Variants in PIEZO2 observed in about 807,000 individuals in gnomAD.
PIEZO2 encodes the protein piezo-type mechanosensitive ion channel component 2.
A neutral mutation model predicts 337.3 loss-of-function variants in PIEZO2; 172 were observed. The observed-to-expected ratio is 0.51, with a 90% CI of 0.45 to 0.58. The LOEUF (loss-of-function observed/expected upper bound fraction) is 0.58, where lower values mean the gene tolerates loss of function less well. Ranked by LOEUF, PIEZO2 falls within the 20% of genes least tolerant of loss-of-function variation. PIEZO2 has a pLI of 0.00. For missense variants in PIEZO2, 3,028 were observed against 3,391.3 expected (o/e 0.89, Z 2.66); for synonymous variants, 1,251 against 1,228.5 (o/e 1.02, Z -0.38).
Position 11,003,090 on chromosome 18 carries a change from T to C in PIEZO2, c.161-23430A>G, listed in dbSNP as rs1017820488. Among the ~76,000 whole-genome samples the C allele has an allele frequency of 2.0e-5, 3 of 152,188 alleles. No individual in the cohort carries two copies. The highest frequency in any genetic ancestry group is 4.4e-5 in the Non-Finnish European group (3 of 68,026). On this transcript the variant is annotated intron_variant, in intron 2 of 55. Coordinates refer to ENST00000674853, the MANE Select transcript of PIEZO2 (RefSeq NM_001378183.1). This position sits in a 1 kb window ranked among gnomAD's most constrained non-coding sequence, Gnocchi z 4.6. ...CTAACCTGGGAGATGTCCAGTGACA[T>C]GTCTTTGCCGTGCCCTCCCAGGTCT...
chr18:10,912,432 T>C lies in PIEZO2; in HGVS notation c.287-1204A>G, dbSNP rs564745847. ...CACCTAGCCCTAAATTCATAAATTG[T>C]GTTGTGCACTAGGTGCTTGATAATC... On this transcript the variant is annotated intron_variant, in intron 3 of 55. Coordinates refer to ENST00000674853, the MANE Select transcript of PIEZO2 (RefSeq NM_001378183.1). Among the ~76,000 whole-genome samples the C allele has an allele frequency of 3.1e-4, 47 of 152,288 alleles. No individual in the cohort carries two copies. The South Asian group carries it at 6.8e-3, about 22-fold the overall frequency.
intron 2 of PIEZO2, among the ~76,000 whole-genome samples, chr18:11,018,036 A>C: frequency 6.6e-6 from 1 of 152,158 alleles, no homozygotes; most frequent in East Asian, 1.9e-4. Flanking sequence ...CTGGTGGCTA[A>C]AAGTCTGCAA....
At chr18:10,764,498 G>A (rs1421170611) in intron 21 of PIEZO2, among the ~76,000 whole-genome samples, 5 of 151,990 alleles carry the variant, frequency 3.3e-5, no homozygotes, top group Non-Finnish European at 7.4e-5. Context: ...AAAATTAGCC[G>A]GGCGTGGTGG....
In PIEZO2 at chr18:11,047,719, C is replaced by A. The variant is rs2037368775; in HGVS notation, c.160+18408G>T. Among the ~76,000 whole-genome samples the A allele has an allele frequency of 6.6e-6, 1 of 152,022 alleles. No individual in the cohort carries two copies. The highest frequency in any genetic ancestry group is 2.4e-5 in the African/African-American group (1 of 41,306). ...CAGCCACCACACTGGGAGTTAGGGC[C>A]TTTCTCCACAACAACTAAGAGTATG... is the stretch of plus-strand genomic sequence containing the variant. On this transcript the variant is annotated intron_variant, in intron 2 of 55. Transcript: ENST00000674853. This position sits in a 1 kb window ranked among gnomAD's most constrained non-coding sequence, Gnocchi z 7.2.
chr18:11,084,154 G>A (rs972746699), intron 1 of PIEZO2, among the ~76,000 whole-genome samples: 1 of 127,028 alleles, frequency 7.9e-6, no homozygotes. Flanking sequence ...TCCAGCCTGG[G>A]CAAAAGAGTG....
At chr18:10,691,190 C>T in intron 48 of PIEZO2, 35 bp downstream of exon 48, 1 of 1,601,676 alleles carries the variant, frequency 6.2e-7, no homozygotes, top group South Asian at 1.1e-5. Context: ...CTATTCTTCC[C>T]CCATAAGTGA....
At chr18:10,925,455 G>A (rs760018408) in intron 3 of PIEZO2, among the ~76,000 whole-genome samples, 10 of 152,132 alleles carry the variant, frequency 6.6e-5, no homozygotes, top group East Asian at 1.9e-4. Flanking sequence ...CAGTAAACAC[G>A]GATCTTGTGG....
At chr18:10,935,785 T>C (rs962116794) in intron 3 of PIEZO2, among the ~76,000 whole-genome samples, 3 of 152,172 alleles carry the variant, frequency 2.0e-5, no homozygotes, top group Non-Finnish European at 2.9e-5. Context: ...ATCTGCAGCA[T>C]GACCACGGCC....
chr18:11,019,629 G>A (rs2036241324), intron 2 of PIEZO2, among the ~76,000 whole-genome samples: 1 of 152,020 alleles, frequency 6.6e-6, no homozygotes, highest in Non-Finnish European at 1.5e-5. Context: ...CCCACTCTGG[G>A]CCCCCTTGTT....
chr18:11,031,710 G>T lies in PIEZO2; in HGVS notation c.160+34417C>A, dbSNP rs1371822973. On this transcript the variant is annotated intron_variant, in intron 2 of 55. Transcript: ENST00000674853. The surrounding 1 kb of genome is among the most constrained non-coding windows in gnomAD (Gnocchi z 4.7). ...TCCAGAGGAGCCAGATATAACCCTT[G>T]GTTGCTCTTGGTACGACTTACCCTT... Among the ~76,000 whole-genome samples the T allele has an allele frequency of 6.6e-6, 1 of 152,072 alleles. No individual in the cohort carries two copies. The highest frequency in any genetic ancestry group is 6.5e-5 in the Admixed American group (1 of 15,268).
intron 4 of PIEZO2, among the ~76,000 whole-genome samples, chr18:10,881,410 TAA>T (rs1263693375): frequency 6.6e-6 from 1 of 152,200 alleles, no homozygotes; most frequent in African/African-American, 2.4e-5. Context: ...GCAGGTCTGT[TAA>T]AAGAGTCCTA....
At position 10,724,179 on chromosome 18, in the gene PIEZO2, C is replaced by T. The variant is rs149902875; in HGVS notation, c.5030-5920G>A. Among the ~76,000 whole-genome samples the T allele has an allele frequency of 1.9e-3, 296 of 152,248 alleles. 1 individual carries two copies. Among genetic ancestry groups the T allele is most frequent in the Non-Finnish European group, 3.3e-3 (224 of 68,012 alleles). Reference sequence around the variant, plus strand: ...CAGGCTTAGAGGATTCCAGTAACCACCATCTAGGTGGGTGTTTAAAACTCT... The same window carrying T: ...CAGGCTTAGAGGATTCCAGTAACCATCATCTAGGTGGGTGTTTAAAACTCT... On this transcript the variant is annotated intron_variant, in intron 36 of 55. Coordinates refer to ENST00000674853, the MANE Select transcript of PIEZO2 (RefSeq NM_001378183.1). This position sits in a 1 kb window ranked among gnomAD's most constrained non-coding sequence, Gnocchi z 5.8.
chr18:10,807,393 T>G (rs72988003), intron 7 of PIEZO2, 119 bp from the exon 8 acceptor site: 5 of 856,250 alleles, frequency 5.8e-6, no homozygotes, highest in Non-Finnish European at 8.7e-6. Context: ...ATCCGTTCTA[T>G]TGTAGATATT....
chr18:11,034,414 TC>T (rs1469489342), intron 2 of PIEZO2, among the ~76,000 whole-genome samples: 1 of 151,814 alleles, frequency 6.6e-6, no homozygotes, highest in African/African-American at 2.4e-5. Context: ...TGCCTTAGCC[TC>T]CTGAGTAGCT....
rs1398392133 is a variant in PIEZO2, at chr18:10,837,180, G to A, written c.917+18173C>T. Among the ~76,000 whole-genome samples, 2 of 152,216 alleles carry A rather than the reference G, an allele frequency of 1.3e-5. No homozygotes were observed. Among genetic ancestry groups the A allele is most frequent in the East Asian group, 3.8e-4 (2 of 5,200 alleles). ...GGGGATGGTGTGCACTCCTGTTGTG[G>A]ACGGTAACAGAACCTGGAAATCAAT... On this transcript the variant is annotated intron_variant, in intron 7 of 55. Transcript: ENST00000674853. This position sits in a 1 kb window ranked among gnomAD's most constrained non-coding sequence, Gnocchi z 4.4.
At chr18:10,742,322 T>G (rs1049950190) in intron 32 of PIEZO2, among the ~76,000 whole-genome samples, 172 bp downstream of exon 32, 1 of 152,248 alleles carries the variant, frequency 6.6e-6, no homozygotes, top group African/African-American at 2.4e-5. Context: ...ATACATACTT[T>G]ATGAAACTAA....
chr18:10,731,792 A>C (rs1050647627), intron 35 of PIEZO2, among the ~76,000 whole-genome samples: 4 of 152,194 alleles, frequency 2.6e-5, no homozygotes, highest in African/African-American at 9.7e-5. Context: ...CCTACATCTC[A>C]CCACAATTTG....
intron 7 of PIEZO2, among the ~76,000 whole-genome samples, chr18:10,842,543 G>A (rs371321798): frequency 5.5e-4 from 83 of 152,242 alleles, no homozygotes; most frequent in African/African-American, 1.9e-3. Flanking sequence ...TAAAAACACT[G>A]GCTCCCCTTC....
intron 3 of PIEZO2, among the ~76,000 whole-genome samples, chr18:10,913,097 C>G (rs914496199): frequency 2.0e-5 from 3 of 152,088 alleles, no homozygotes; most frequent in African/African-American, 7.2e-5. Context: ...ATCCCTTTCT[C>G]AGGAATTCTT....
Sources: allele counts gnomAD v4.1 joint callset (sites outside exome capture counted in the v4.1 genomes callset), GRCh38; gene constraint gnomAD v4.1.1; non-coding constraint Gnocchi (gnomAD v3.1); transcripts MANE v1.5; gene names NCBI Gene and HGNC (gene_info 2026-07-23, HGNC 2026-07-21).